AGAP3: variants seen among roughly 807,000 people sequenced by gnomAD.
The protein encoded by AGAP3 is ArfGAP with GTPase domain, ankyrin repeat and PH domain 3.
A neutral mutation model predicts 96.9 loss-of-function variants in AGAP3; 24 were observed. The observed-to-expected ratio is 0.25, with a 90% CI of 0.18 to 0.35. The LOEUF (loss-of-function observed/expected upper bound fraction) is 0.35, where lower values mean the gene tolerates loss of function less well. AGAP3 is among the 10% of genes least tolerant of loss of function. The probability of loss-of-function intolerance (pLI) is 1.00; values close to 1 mark genes in which losing one functional copy is unlikely to be tolerated. For missense variants in AGAP3, 876 were observed against 1,254.2 expected (o/e 0.70, Z 4.55); for synonymous variants, 563 against 536.1 (o/e 1.05, Z -0.69).
chr7:151,120,422 G>A (rs1402497467), intron 8 of AGAP3: 10 of 675,398 alleles, frequency 1.5e-5, no homozygotes, highest in South Asian at 6.2e-5. Flanking sequence ...CCTCCCCGCC[G>A]CCTTCCTCTC....
intron 1 of AGAP3, among the ~76,000 whole-genome samples, chr7:151,109,130 C>T (rs1799174290): frequency 6.7e-6 from 1 of 149,694 alleles, no homozygotes; most frequent in Admixed American, 6.7e-5. Context: ...GAGTTCTAGA[C>T]CAGCATAGGC....
Position 151,114,722 on chromosome 7 carries a change from GC to G in AGAP3, c.332-2067del. The G allele has an allele frequency of 1.0e-6, 1 of 1,004,174 alleles. No homozygotes were observed. The highest frequency in any genetic ancestry group is 1.2e-6 in the Non-Finnish European group (1 of 843,500). 62.2% of individuals were successfully genotyped at this position (1,004,174 alleles called of 1,614,324 possible). On this transcript the variant is annotated intron_variant, in intron 1 of 17. Coordinates refer to ENST00000397238, the MANE Select transcript of AGAP3 (RefSeq NM_031946.7). This position sits in a 1 kb window ranked among gnomAD's most constrained non-coding sequence, Gnocchi z 4.4. ...CGGCCGCGGCCCCGGCCCGGGCCCA[GC>G]CCCGTGCCCCTCGCCATGGGCCTGG...
chr7:151,138,493 C>T (rs1025770147), intron 12 of AGAP3, among the ~76,000 whole-genome samples, 180 bp downstream of exon 12: 3 of 152,188 alleles, frequency 2.0e-5, no homozygotes, highest in African/African-American at 7.2e-5. Context: ...CTAGTACTGA[C>T]GTTGTCTTGG....
chr7:151,123,211 G>T, intron 8 of AGAP3: 9 of 1,077,314 alleles, frequency 8.4e-6, no homozygotes, highest in Non-Finnish European at 1.0e-5. Context: ...CCGCCGCCGC[G>T]CTTGCCTTGC....
Position 151,128,573 on chromosome 7 carries a change from T to A in AGAP3, c.1222-7T>A. On this transcript the variant is annotated splice_polypyrimidine_tract_variant and splice_region_variant and intron_variant, in intron 9 of 17. Coordinates refer to ENST00000397238, the MANE Select transcript of AGAP3 (RefSeq NM_031946.7). Reference sequence around the variant, plus strand: ...CTCCTGGTTTCTGATCAGACCTCTGTTCTCAGGGGATCCTGCTAAAGCGGA... The same window carrying A: ...CTCCTGGTTTCTGATCAGACCTCTGATCTCAGGGGATCCTGCTAAAGCGGA... 2.5e-6 allele frequency: 4 copies of A among 1,613,340 alleles called. No individual in the cohort carries two copies. The highest frequency in any genetic ancestry group is 3.4e-6 in the Non-Finnish European group (4 of 1,179,638).
chr7:151,100,770 A>G (rs1478729363), intron 1 of AGAP3, among the ~76,000 whole-genome samples: 1 of 152,206 alleles, frequency 6.6e-6, no homozygotes, highest in Non-Finnish European at 1.5e-5. Context: ...TGAGCCCAGG[A>G]GGTTGAGGCT....
At chr7:151,117,609 G>C (rs1233855065) in intron 4 of AGAP3, 27 bp from the exon 5 acceptor site, 5 of 1,613,032 alleles carry the variant, frequency 3.1e-6, no homozygotes, top group Non-Finnish European at 3.4e-6. Context: ...CCAGTTGCGG[G>C]TGCTAATTTT....
intron 9 of AGAP3, among the ~76,000 whole-genome samples, chr7:151,127,861 C>T (rs978761213): frequency 3.3e-5 from 5 of 152,226 alleles, no homozygotes; most frequent in Admixed American, 6.5e-5. Flanking sequence ...GGGCTTTTCC[C>T]CAGTTCTTCC....
chr7:151,101,051 C>T (rs1245008651), intron 1 of AGAP3, among the ~76,000 whole-genome samples: 1 of 152,228 alleles, frequency 6.6e-6, no homozygotes, highest in Non-Finnish European at 1.5e-5. Context: ...GCCACCTCCC[C>T]CGCTGGCACG....
intron 9 of AGAP3, among the ~76,000 whole-genome samples, chr7:151,127,561 T>A (rs1800229815): frequency 1.3e-5 from 2 of 152,308 alleles, no homozygotes; most frequent in African/African-American, 4.8e-5. Flanking sequence ...TTGGGGATTT[T>A]GGAGGATGGG....
chr7:151,138,259 G>C lies in AGAP3; in HGVS notation c.1612G>C (p.Ala538Pro). The C allele has an allele frequency of 1.2e-6, 2 of 1,612,878 alleles. No individual in the cohort carries two copies. The highest frequency in any genetic ancestry group is 2.2e-5 in the East Asian group (1 of 44,874). The change falls in exon 12 of 18, where the codon GCC (alanine) becomes CCC (proline). Residue 538 changes from alanine (A) to proline (P), a missense_variant. Physicochemically the swap from Ala to Pro is conservative, Grantham distance 27. Coordinates refer to ENST00000397238, the MANE Select transcript of AGAP3 (RefSeq NM_031946.7). ...CCAGCGCTCCTGCTCCGTTTCCAGC[G>C]CCGACCAGTGGAGTGAGGCCACCAC... ...LHQRSCSVSS[A>P]DQWSEATTSL...
At position 151,141,868 on chromosome 7, in the gene AGAP3, G is replaced by A. The variant is rs746962978; in HGVS notation, c.1805-30G>A. On this transcript the variant is annotated intron_variant, in intron 13 of 17. Coordinates refer to ENST00000397238, the MANE Select transcript of AGAP3 (RefSeq NM_031946.7). This position sits in a 1 kb window ranked among gnomAD's most constrained non-coding sequence, Gnocchi z 4.2. The stretch of plus-strand genomic sequence containing the variant: ...CCCTGGGTGTGCACGCAGGCCAGGA[G>A]CCCTGATGGCATAAACACCCCCCCA... The A allele has an allele frequency of 6.2e-7, 1 of 1,614,136 alleles. No homozygotes were observed. Among genetic ancestry groups the A allele is most frequent in the South Asian group, 1.1e-5 (1 of 91,074 alleles).
At chr7:151,123,010 C>G (rs1799984507) in intron 8 of AGAP3, 3 of 1,397,182 alleles carry the variant, frequency 2.1e-6, no homozygotes, top group African/African-American at 1.5e-5. Flanking sequence ...ACGCTGCAGG[C>G]TCGCTGCATG....
intron 2 of AGAP3, 106 bp downstream of exon 2, chr7:151,116,957 C>T (rs1332510195): frequency 1.3e-6 from 2 of 1,522,008 alleles, no homozygotes; most frequent in Admixed American, 1.7e-5. Context: ...CTTCTCTGCT[C>T]AGCTTGGCCC....
intron 10 of AGAP3, among the ~76,000 whole-genome samples, chr7:151,129,719 G>A (rs1035779236): frequency 7.2e-6 from 1 of 137,972 alleles, no homozygotes; most frequent in African/African-American, 2.6e-5. Flanking sequence ...CGCGGGCACA[G>A]ACCTTGTCCC....
At chr7:151,122,038 C>T (rs966009230) in intron 8 of AGAP3, among the ~76,000 whole-genome samples, 2 of 152,244 alleles carry the variant, frequency 1.3e-5, no homozygotes, top group African/African-American at 4.8e-5. Flanking sequence ...TTCCTGTCCG[C>T]ATGGGGAGGT....
rs916624100 is a variant in AGAP3 at position 151,133,417 on chromosome 7, C to A, written c.1327-983C>A. Among the ~76,000 whole-genome samples the A allele has an allele frequency of 2.6e-5, 4 of 152,138 alleles. No individual in the cohort carries two copies. The highest frequency in any genetic ancestry group is 9.7e-5 in the African/African-American group (4 of 41,434). Reference sequence around the variant, plus strand: ...CCCAGCGGGGCTCCAGGCCAGGAAGCGGCAGGCTCCCACCCTCCCTCCCTG... The same window carrying A: ...CCCAGCGGGGCTCCAGGCCAGGAAGAGGCAGGCTCCCACCCTCCCTCCCTG... On this transcript the variant is annotated intron_variant, in intron 10 of 17. Coordinates refer to ENST00000397238, the MANE Select transcript of AGAP3 (RefSeq NM_031946.7). This position sits in a 1 kb window ranked among gnomAD's most constrained non-coding sequence, Gnocchi z 5.4.
chr7:151,135,679 G>A (rs756542001), intron 11 of AGAP3, among the ~76,000 whole-genome samples: 3 of 152,230 alleles, frequency 2.0e-5, no homozygotes, highest in South Asian at 2.1e-4. Context: ...GGACCAGCCC[G>A]AAGGCAGGGG....
intron 1 of AGAP3, among the ~76,000 whole-genome samples, chr7:151,103,514 G>A (rs76219940): frequency 0.032 from 4,834 of 151,184 alleles, 108 homozygotes; most frequent in Middle Eastern, 0.089. Flanking sequence ...ACATTTTACC[G>A]CATTTGCTGG....
Sources: gnomAD v4.1 joint callset for allele counts (sites outside exome capture counted in the v4.1 genomes callset) on GRCh38, gnomAD v4.1.1 for gene constraint, Gnocchi (gnomAD v3.1) non-coding constraint, MANE v1.5 for transcripts, NCBI Gene and HGNC (gene_info 2026-07-23, HGNC 2026-07-21) for gene names.